Variants in CEP152 observed in about 807,000 individuals in gnomAD.
CEP152 encodes centrosomal protein of 152 kDa.
A neutral mutation model predicts 188.9 loss-of-function variants in CEP152; 132 were observed. The ratio of observed to expected loss-of-function variants is 0.70; its 90% CI spans 0.61 to 0.81. The LOEUF (loss-of-function observed/expected upper bound fraction) is 0.81, where lower values mean the gene tolerates loss of function less well. Among genes scored for constraint, CEP152 ranks in the 30% least tolerant of loss-of-function variants. CEP152 has a pLI of 0.00. For synonymous variants in CEP152, 649 were observed against 666.6 expected, an observed-to-expected ratio of 0.97 and a Z score of 0.41; for missense variants, 1,914 against 1,969.8, an observed-to-expected ratio of 0.97 and a Z score of 0.54.
intron 19 of CEP152, among the ~76,000 whole-genome samples, chr15:48,758,445 C>T (rs1894429459): frequency 6.6e-6 from 1 of 151,988 alleles, no homozygotes; most frequent in Non-Finnish European, 1.5e-5. Flanking sequence ...CAGCCAGGTG[C>T]GGTGACTCCC....
At chr15:48,763,089 T>TA (rs1434342901) in intron 17 of CEP152, among the ~76,000 whole-genome samples, 3 of 152,162 alleles carry the variant, frequency 2.0e-5, no homozygotes, top group African/African-American at 7.2e-5. Flanking sequence ...CTGAACAATC[T>TA]AAAAAATAGT....
At position 48,788,978 on chromosome 15, in the gene CEP152, A is replaced by G. The variant is rs199873069; in HGVS notation, c.996T>C (p.Thr332=). Residue 332 remains threonine, a synonymous_variant, in exon 9 of 27, where the codon ACT becomes ACC. Coordinates refer to ENST00000380950, the MANE Select transcript of CEP152 (RefSeq NM_001194998.2). ...EEQMIKKSRT[T]EMALESLKQQ... is the part of the protein sequence containing the mutation. The stretch of plus-strand genomic sequence containing the variant: ...GCTTCAAGCTTTCCAGAGCCATTTC[A>G]GTTGTTCTGGACTTCTTGATCATCT... The G allele has an allele frequency of 8.9e-5, 143 of 1,614,106 alleles. No homozygotes were observed. In the African/African-American group the frequency reaches 1.6e-3, roughly 18 times the overall value.
At chr15:48,766,591 G>A (rs1238475415) in intron 17 of CEP152, among the ~76,000 whole-genome samples, 1 of 152,062 alleles carries the variant, frequency 6.6e-6, no homozygotes, top group Non-Finnish European at 1.5e-5. Flanking sequence ...TCCCTATCAC[G>A]AGACCAACAT....
chr15:48,805,552 TAACAACTTACCTC>T lies in CEP152; in HGVS notation c.85_87+10del, dbSNP rs1595708632. 1.9e-6 allele frequency: 3 copies of T among 1,587,468 alleles called. No homozygotes were observed. Among genetic ancestry groups the T allele is most frequent in the East Asian group, 2.3e-5 (1 of 44,330 alleles). Reference sequence around the variant, plus strand: ...TAGTGTCTCTTTTTTTTTTTTTTTTTAACAACTTACCTCTTTCTCTCTTTCATAGTCCTCTTCG... The same window carrying T: ...TAGTGTCTCTTTTTTTTTTTTTTTTTTTTCTCTCTTTCATAGTCCTCTTCG... On this transcript the variant is annotated splice_donor_variant and splice_donor_5th_base_variant and coding_sequence_variant and intron_variant, in exon 2 of 27. Transcript: ENST00000380950. LOFTEE classifies it high-confidence loss of function.
intron 9 of CEP152, among the ~76,000 whole-genome samples, chr15:48,787,124 T>C (rs1185314612): frequency 1.3e-5 from 2 of 151,428 alleles, no homozygotes; most frequent in Non-Finnish European, 2.9e-5. Flanking sequence ...GTTTAAATAT[T>C]CTATAAAGTA....
chr15:48,744,460 A>G lies in CEP152; in HGVS notation c.3732-117T>C, dbSNP rs569092249. On this transcript the variant is annotated intron_variant, in intron 23 of 26. Transcript: ENST00000380950. ...TTAACTGAGAAGTGCTAAAAATCTC[A>G]TCTAGAACAATCTCCACTATACAGT... 8.0e-6 allele frequency: 12 copies of G among 1,504,678 alleles called. No individual in the cohort carries two copies. The Admixed American group carries it at 1.4e-4, about 18-fold the overall frequency. 93.2% of individuals were successfully genotyped at this position (1,504,678 alleles called of 1,614,324 possible).
intron 7 of CEP152, among the ~76,000 whole-genome samples, chr15:48,792,093 C>T (rs1897028452): frequency 6.6e-6 from 1 of 151,976 alleles, no homozygotes; most frequent in Non-Finnish European, 1.5e-5. Context: ...CCCAGGTTCA[C>T]GCCATTCTCC....
chr15:48,762,989 T>TA (rs11424282), intron 17 of CEP152, among the ~76,000 whole-genome samples: 37,769 of 147,380 alleles, frequency 0.26, 6,936 homozygotes, highest in African/African-American at 0.51. Context: ...TGGCAGGATT[T>TA]AAAAAAAAAA....
chr15:48,795,272 A>G (rs893262787), intron 6 of CEP152, among the ~76,000 whole-genome samples: 2 of 152,198 alleles, frequency 1.3e-5, no homozygotes, highest in Non-Finnish European at 2.9e-5. Context: ...TATACATACT[A>G]TACAAAAAAA....
chr15:48,761,279 G>T (rs1351639000), intron 18 of CEP152, among the ~76,000 whole-genome samples: 1 of 152,070 alleles, frequency 6.6e-6, no homozygotes, highest in East Asian at 1.9e-4. Context: ...GACTTTAAAG[G>T]TGCCCTGTAA....
In CEP152 at chr15:48,741,642, G is replaced by A; in HGVS notation, c.4052C>T (p.Thr1351Ile). ...KLATMAKLLE[T>I]PISSKSQSKT... ...GCTTTGGGACTTACTAGAAATAGGTGTTTCCAGTAATTTTGCCATTGTAGC... is the reference window on the plus strand; with the variant it reads ...GCTTTGGGACTTACTAGAAATAGGTATTTCCAGTAATTTTGCCATTGTAGC... Residue 1351 changes from threonine to isoleucine, a missense_variant, in exon 26 of 27, where the codon ACA becomes ATA. Transcript: ENST00000380950. The A allele has an allele frequency of 1.2e-6, 2 of 1,614,102 alleles. No individual in the cohort carries two copies. Among genetic ancestry groups the A allele is most frequent in the Non-Finnish European group, 1.7e-6 (2 of 1,180,010 alleles).
At chr15:48,783,677 G>A (rs970090413) in intron 10 of CEP152, among the ~76,000 whole-genome samples, 6 of 150,380 alleles carry the variant, frequency 4.0e-5, no homozygotes, top group South Asian at 2.1e-4. Context: ...GTAGAATTAC[G>A]GTTATTTTTA....
At position 48,767,055 on chromosome 15, in the gene CEP152, T is replaced by C. The variant is rs781372125; in HGVS notation, c.2280+5A>G. The C allele has an allele frequency of 2.5e-6, 4 of 1,612,444 alleles. No homozygotes were observed. Among genetic ancestry groups the C allele is most frequent in the East Asian group, 2.2e-5 (1 of 44,874 alleles). ...ATGTCGATACAACATAAACTTGTACTGTACCTTCTCCTGAGTCTGTTGCTC... is the reference window on the plus strand; with the variant it reads ...ATGTCGATACAACATAAACTTGTACCGTACCTTCTCCTGAGTCTGTTGCTC... On this transcript the variant is annotated splice_donor_5th_base_variant and intron_variant, in intron 17 of 26. Transcript: ENST00000380950.
rs1471304416 is a variant in CEP152 at position 48,765,744 on chromosome 15, C to T, written c.2280+1316G>A. On this transcript the variant is annotated intron_variant, in intron 17 of 26. Transcript: ENST00000380950. Reference sequence around the variant, plus strand: ...TCTCGACTCACTGCAAGCTCCGCCTCCCGGGTTCACGCCATTCTCCTGCCT... The same window carrying T: ...TCTCGACTCACTGCAAGCTCCGCCTTCCGGGTTCACGCCATTCTCCTGCCT... 2.3e-5 allele frequency: 8 copies of T among 352,528 alleles called. No homozygotes were observed. In the East Asian group the frequency reaches 6.7e-4, roughly 29 times the overall value. 21.8% of individuals were successfully genotyped at this position (352,528 alleles called of 1,614,324 possible).
chr15:48,734,860 G>A (rs1892545260), downstream of CEP152, among the ~76,000 whole-genome samples: 1 of 152,082 alleles, frequency 6.6e-6, no homozygotes, highest in Admixed American at 6.5e-5. Context: ...TAACAACAAA[G>A]CTTCAAAATA....
chr15:48,757,064 T>C (rs1251394765), intron 19 of CEP152, among the ~76,000 whole-genome samples: 1 of 152,214 alleles, frequency 6.6e-6, no homozygotes, highest in African/African-American at 2.4e-5. Context: ...TCATTTTTCA[T>C]TAGTCTAATT....
Position 48,797,591 on chromosome 15 carries a change from C to T in CEP152, c.262-12G>A. 4 of 1,614,006 alleles carry T rather than the reference C, an allele frequency of 2.5e-6. No homozygotes were observed. The highest frequency in any genetic ancestry group is 3.4e-6 in the Non-Finnish European group (4 of 1,179,992). On this transcript the variant is annotated splice_polypyrimidine_tract_variant and intron_variant, in intron 4 of 26. Transcript: ENST00000380950. ...ATTTCATTATAGCCCTATTAGATAA[C>T]AAGAGTAAAACAAAAGCACGAAGAT...
rs1248180163 is a variant in CEP152 at position 48,739,206 on chromosome 15, A to T, written c.4176T>A (p.Ile1392=). ...NDVNQKIPCC[I]ESKSNSVNTI... is the part of the protein sequence containing the mutation. The stretch of plus-strand genomic sequence containing the variant: ...TGTTTACACTATTTGATTTGCTTTC[A>T]ATACAACATGGTATTTTCTGATTCA... Residue 1392 remains isoleucine (I), a synonymous_variant, in exon 27 of 27, where the codon ATT becomes ATA. Coordinates refer to ENST00000380950, the MANE Select transcript of CEP152 (RefSeq NM_001194998.2). The T allele has an allele frequency of 1.9e-6, 3 of 1,613,306 alleles. No homozygotes were observed. The highest frequency in any genetic ancestry group is 2.5e-6 in the Non-Finnish European group (3 of 1,179,830).
rs1892995338 is a variant in CEP152, at chr15:48,741,833, C to T, written c.3989+114G>A. The stretch of plus-strand genomic sequence containing the variant: ...TAGCACAGCCATAAACCTCTCTTAA[C>T]CCCCTATGGCTGATCATGTAGAAAT... On this transcript the variant is annotated intron_variant, in intron 25 of 26. Transcript: ENST00000380950. The T allele has an allele frequency of 2.5e-6, 4 of 1,608,808 alleles. No individual in the cohort carries two copies. In the South Asian group the frequency reaches 3.3e-5, roughly 13 times the overall value.
Sources: gnomAD v4.1 joint callset for allele counts (sites outside exome capture counted in the v4.1 genomes callset) on GRCh38, gnomAD v4.1.1 for gene constraint, MANE v1.5 for transcripts, NCBI Gene and HGNC (gene_info 2026-07-23, HGNC 2026-07-21) for gene names.